DLG2: variants seen among roughly 807,000 people sequenced by gnomAD.
The protein encoded by DLG2 is discs large MAGUK scaffold protein 2, also known as disks large homolog 2.
In DLG2, 45 loss-of-function variants were observed where a neutral mutation model predicts 132.5. The ratio of observed to expected loss-of-function variants is 0.34; its 90% CI spans 0.27 to 0.44. The LOEUF (loss-of-function observed/expected upper bound fraction) is 0.44, where lower values mean the gene tolerates loss of function less well. DLG2 is among the 20% of genes least tolerant of loss of function. The pLI, the probability that DLG2 is intolerant of heterozygous loss-of-function variation, is 1.00. For synonymous variants in DLG2, 424 were observed against 419.6 expected (o/e 1.01, Z -0.13); for missense variants, 1,045 against 1,196.9 (o/e 0.87, Z 1.87).
At chr11:85,492,379 T>C (rs966425029) in intron 3 of DLG2, among the ~76,000 whole-genome samples, 1 of 152,150 alleles carries the variant, frequency 6.6e-6, no homozygotes, top group East Asian at 1.9e-4. Context: ...ATTTTATATA[T>C]AACTACAAAA....
In DLG2 at chr11:85,583,122, GTGTGTGTGTATATATA is replaced by G. The variant is rs1434915399; in HGVS notation, c.40+15519_40+15534del. Among the ~76,000 whole-genome samples the G allele has an allele frequency of 7.8e-3, 384 of 49,110 alleles. 5 individuals are homozygous for G. The highest frequency in any genetic ancestry group is 0.022 in the African/African-American group (340 of 15,148). 32.2% of individuals were successfully genotyped at this position (49,110 alleles called of 152,430 possible). On this transcript the variant is annotated intron_variant, in intron 3 of 27. Transcript: ENST00000376104. ...TGTGTGTGTGTGTGTGTGTGTGTGT[GTGTGTGTGTATATATA>G]TATATATATATATATATATATATAT... is the stretch of plus-strand genomic sequence containing the variant.
intron 6 of DLG2, among the ~76,000 whole-genome samples, chr11:84,720,083 G>T (rs1167940490): frequency 2.0e-5 from 3 of 152,094 alleles, no homozygotes. Flanking sequence ...TAGAGACCAG[G>T]GTCCCATCAC....
At chr11:83,829,486 T>C (rs2153994728) in intron 17 of DLG2, among the ~76,000 whole-genome samples, 1 of 152,286 alleles carries the variant, frequency 6.6e-6, no homozygotes, top group Non-Finnish European at 1.5e-5. Context: ...CATGAGCCAC[T>C]GTGCCCAGCT....
intron 21 of DLG2, among the ~76,000 whole-genome samples, chr11:83,514,536 G>A (rs1345733949): frequency 1.3e-5 from 2 of 152,034 alleles, no homozygotes; most frequent in East Asian, 1.9e-4. Context: ...TCTCCTGCCT[G>A]ATTGCCCTGG....
intron 18 of DLG2, among the ~76,000 whole-genome samples, chr11:83,641,688 G>C (rs181635828): frequency 7.2e-5 from 11 of 152,292 alleles, no homozygotes; most frequent in African/African-American, 2.6e-4. Context: ...GTGACTGGAA[G>C]GATTTGGGGT....
chr11:85,006,190 TTTG>T (rs1276700684), intron 6 of DLG2, among the ~76,000 whole-genome samples: 2 of 152,192 alleles, frequency 1.3e-5, no homozygotes, highest in Admixed American at 1.3e-4. Flanking sequence ...ATTTTCGTTT[TTTG>T]TTGTTGTGTC....
intron 6 of DLG2, among the ~76,000 whole-genome samples, chr11:85,006,381 A>T (rs2058663760): frequency 1.3e-5 from 2 of 152,164 alleles, no homozygotes; most frequent in South Asian, 4.1e-4. Context: ...TTGGCAGGCT[A>T]TTAATTACTG....
intron 6 of DLG2, among the ~76,000 whole-genome samples, chr11:85,101,284 G>C (rs564866317): frequency 6.6e-6 from 1 of 151,860 alleles, no homozygotes; most frequent in African/African-American, 2.4e-5. Flanking sequence ...ATGATTATAC[G>C]AGATATATCT....
intron 6 of DLG2, among the ~76,000 whole-genome samples, chr11:85,101,865 A>ATGG (rs1423160282): frequency 1.3e-5 from 2 of 152,050 alleles, no homozygotes; most frequent in Non-Finnish European, 2.9e-5. Flanking sequence ...TCAGTTCTGA[A>ATGG]TGGTAGGTCA....
chr11:85,458,456 T>C (rs1174223998), intron 3 of DLG2, among the ~76,000 whole-genome samples: 2 of 152,232 alleles, frequency 1.3e-5, no homozygotes, highest in East Asian at 3.8e-4. Flanking sequence ...TTCAGTCTGG[T>C]TAAGAATACC....
intron 5 of DLG2, among the ~76,000 whole-genome samples, chr11:85,121,484 C>T (rs1232590070): frequency 1.3e-5 from 2 of 151,778 alleles, no homozygotes; most frequent in Non-Finnish European, 2.9e-5. Context: ...CATGAGTTGG[C>T]ATTCTTTTAT....
chr11:85,388,037 T>C (rs1398834643), intron 3 of DLG2, among the ~76,000 whole-genome samples: 1 of 152,184 alleles, frequency 6.6e-6, no homozygotes, highest in Non-Finnish European at 1.5e-5. Context: ...GGGAGGCTTG[T>C]AGCCTGTGAC....
intron 18 of DLG2, among the ~76,000 whole-genome samples, chr11:83,699,937 G>GCACACACACA (rs140957816): frequency 6.9e-4 from 98 of 142,366 alleles, no homozygotes; most frequent in African/African-American, 2.1e-3. Context: ...CACCACACAT[G>GCACACACACA]CACACACACA....
At chr11:84,300,132 A>G (rs1453208274) in intron 7 of DLG2, among the ~76,000 whole-genome samples, 3 of 152,078 alleles carry the variant, frequency 2.0e-5, no homozygotes, top group Non-Finnish European at 4.4e-5. Context: ...TCCTATCCCT[A>G]TGTAAACATA....
At chr11:84,207,087 A>G (rs2096679141) in intron 8 of DLG2, among the ~76,000 whole-genome samples, 1 of 150,072 alleles carries the variant, frequency 6.7e-6, no homozygotes, top group African/African-American at 2.5e-5. Flanking sequence ...CTCTCTATAT[A>G]TATATATGTA....
At chr11:85,406,065 T>G (rs1477423484) in intron 3 of DLG2, among the ~76,000 whole-genome samples, 1 of 151,928 alleles carries the variant, frequency 6.6e-6, no homozygotes, top group Non-Finnish European at 1.5e-5. Flanking sequence ...TATGTCATAG[T>G]GAGTACTGAA....
chr11:83,889,003 C>G lies in DLG2; in HGVS notation c.1497-14515G>C, dbSNP rs949466344. On this transcript the variant is annotated intron_variant, in intron 15 of 27. Transcript: ENST00000376104. ...TGTTAGACCTAAAACCATAAAAACC[C>G]TAGAAGAAAACCTAGGCATTACCAT... Among the ~76,000 whole-genome samples the G allele has an allele frequency of 2.6e-5, 4 of 152,194 alleles. No individual in the cohort carries two copies. The East Asian group carries it at 5.8e-4, about 22-fold the overall frequency.
At chr11:84,241,174 T>C (rs75719631) in intron 8 of DLG2, among the ~76,000 whole-genome samples, 1 of 152,364 alleles carries the variant, frequency 6.6e-6, no homozygotes, top group African/African-American at 2.4e-5. Flanking sequence ...TGGCTTATTA[T>C]TGTAGTTTCT....
At chr11:84,957,112 A>G (rs1177086805) in intron 6 of DLG2, among the ~76,000 whole-genome samples, 1 of 152,194 alleles carries the variant, frequency 6.6e-6, no homozygotes, top group Non-Finnish European at 1.5e-5. Context: ...GAGAGATACA[A>G]CTATGATTTT....
Sources: gnomAD v4.1 joint callset for allele counts (sites outside exome capture counted in the v4.1 genomes callset) on GRCh38, gnomAD v4.1.1 for gene constraint, MANE v1.5 for transcripts, NCBI Gene and HGNC (gene_info 2026-07-23, HGNC 2026-07-21) for gene names.